Variants in ADAMTS20 observed in about 807,000 individuals in gnomAD.
ADAMTS20 encodes the protein A disintegrin and metalloproteinase with thrombospondin motifs 20.
ADAMTS20 carries 225 observed loss-of-function variants against 260.1 expected under a neutral mutation model. That is an observed-to-expected ratio of 0.87 (90% CI 0.78 to 0.97). The LOEUF (loss-of-function observed/expected upper bound fraction) is 0.97, where lower values mean the gene tolerates loss of function less well. Ranked by LOEUF, ADAMTS20 falls within the 50% of genes least tolerant of loss-of-function variation. The pLI, the probability that ADAMTS20 is intolerant of heterozygous loss-of-function variation, is 0.00. For missense variants in ADAMTS20, 2,400 were observed against 2,337.7 expected (o/e 1.03, Z -0.55); for synonymous variants, 802 against 769.5 (o/e 1.04, Z -0.70).
chr12:43,431,481 C>T lies in ADAMTS20; in HGVS notation c.3112G>A (p.Gly1038Ser), dbSNP rs553106252. Residue 1038 changes from glycine (G) to serine (S), a missense_variant, in exon 22 of 39, where the codon GGT (glycine) becomes AGT (serine). Transcript: ENST00000389420. ...SEWSECLVTC[G>S]KGTKQRQVWC... ...ACCTGCCGCTGCTTTGTTCCTTTAC[C>T]ACATGTAACAAGGCACTGTAAGAAT... 2.2e-5 allele frequency: 35 copies of T among 1,613,890 alleles called. No individual in the cohort carries two copies. In the East Asian group the frequency reaches 7.4e-4, roughly 34 times the overall value.
At chr12:43,520,960 A>C (rs917880102) in intron 3 of ADAMTS20, among the ~76,000 whole-genome samples, 1 of 152,188 alleles carries the variant, frequency 6.6e-6, no homozygotes, top group Non-Finnish European at 1.5e-5. Flanking sequence ...TAAAGTACAA[A>C]AGATCTGGTA....
chr12:43,500,191 G>A (rs1184455108), intron 4 of ADAMTS20, among the ~76,000 whole-genome samples: 2 of 151,980 alleles, frequency 1.3e-5, no homozygotes, highest in African/African-American at 2.4e-5. Flanking sequence ...ACCACGCCTG[G>A]CTAATTTTTG....
chr12:43,469,964 T>C (rs976721895), intron 7 of ADAMTS20, among the ~76,000 whole-genome samples: 1 of 152,196 alleles, frequency 6.6e-6, no homozygotes, highest in Non-Finnish European at 1.5e-5. Flanking sequence ...TCAAAAGGTC[T>C]TGCTTCGGCA....
intron 19 of ADAMTS20, among the ~76,000 whole-genome samples, chr12:43,433,467 A>G (rs1055595984): frequency 6.6e-6 from 1 of 152,154 alleles, no homozygotes; most frequent in African/African-American, 2.4e-5. Context: ...TCCTTTTACT[A>G]CTATGTAGTG....
chr12:43,519,963 T>C lies in ADAMTS20; in HGVS notation c.613+12073A>G, dbSNP rs1565580105. Among the ~76,000 whole-genome samples, 2 of 152,196 alleles carry C rather than the reference T, an allele frequency of 1.3e-5. 1 individual carries two copies. The highest frequency in any genetic ancestry group is 2.9e-5 in the Non-Finnish European group (2 of 68,026). On this transcript the variant is annotated intron_variant, in intron 3 of 38. Coordinates refer to ENST00000389420, the MANE Select transcript of ADAMTS20 (RefSeq NM_025003.5). Reference sequence around the variant, plus strand: ...ATTTGCTAGAATATACACAAAATTATTAAATGCCATGGCAAAAAAGAAATG... The same window carrying C: ...ATTTGCTAGAATATACACAAAATTACTAAATGCCATGGCAAAAAAGAAATG...
At chr12:43,527,743 G>T (rs1943162670) in intron 3 of ADAMTS20, among the ~76,000 whole-genome samples, 1 of 152,120 alleles carries the variant, frequency 6.6e-6, no homozygotes, top group Admixed American at 6.5e-5. Flanking sequence ...ACTGAATGGG[G>T]AAAAGTTGAA....
intron 37 of ADAMTS20, among the ~76,000 whole-genome samples, chr12:43,368,578 A>G (rs1940037074): frequency 6.6e-6 from 1 of 152,136 alleles, no homozygotes; most frequent in African/African-American, 2.4e-5. Flanking sequence ...CTTCAAAATG[A>G]TATCAATATA....
At chr12:43,406,454 C>T (rs770771162) in intron 28 of ADAMTS20, among the ~76,000 whole-genome samples, 1 of 151,924 alleles carries the variant, frequency 6.6e-6, no homozygotes, top group Non-Finnish European at 1.5e-5. Flanking sequence ...CTTTAGAACA[C>T]TATTATGAAA....
intron 3 of ADAMTS20, among the ~76,000 whole-genome samples, chr12:43,529,220 A>G (rs558890681): frequency 7.6e-4 from 115 of 152,316 alleles, no homozygotes; most frequent in African/African-American, 2.6e-3. Context: ...AAATTAGTAC[A>G]ACCTCCATGG....
At chr12:43,443,767 C>A (rs372800280) in intron 16 of ADAMTS20, 24 bp downstream of exon 16, 7 of 1,581,266 alleles carry the variant, frequency 4.4e-6, no homozygotes, top group Non-Finnish European at 4.3e-6. Flanking sequence ...CACATACTGG[C>A]TGTTGTTTAC....
chr12:43,356,151 C>T (rs1939738601), intron 38 of ADAMTS20, among the ~76,000 whole-genome samples: 1 of 151,994 alleles, frequency 6.6e-6, no homozygotes, highest in Non-Finnish European at 1.5e-5. Context: ...AAAAGCATAC[C>T]TTTCTTGAAC....
At position 43,532,196 on chromosome 12, in the gene ADAMTS20, C is replaced by A; in HGVS notation, c.454-1G>T. 6.3e-7 allele frequency: 1 copy of A among 1,588,954 alleles called. No homozygotes were observed. The highest frequency in any genetic ancestry group is 8.6e-7 in the Non-Finnish European group (1 of 1,169,286). ...CGTTCTGTCCTTTAAATGTTCCCGT[C>A]TGAAAATAAAGGAAACAAAAATGAA... On this transcript the variant is annotated splice_acceptor_variant, in intron 2 of 38. Transcript: ENST00000389420. LOFTEE classifies it high-confidence loss of function.
chr12:43,409,544 G>A (rs1437507632), intron 28 of ADAMTS20, among the ~76,000 whole-genome samples: 5 of 129,772 alleles, frequency 3.9e-5, no homozygotes, highest in Non-Finnish European at 7.8e-5. Flanking sequence ...GGAGCTTGCA[G>A]TGAGCCGAGA....
At chr12:43,511,428 G>C (rs556168969) in intron 3 of ADAMTS20, among the ~76,000 whole-genome samples, 1 of 152,064 alleles carries the variant, frequency 6.6e-6, no homozygotes, top group South Asian at 2.1e-4. Flanking sequence ...CCTAAAGACT[G>C]AGAACACTGT....
At chr12:43,418,778 C>A (rs1342333366) in intron 28 of ADAMTS20, among the ~76,000 whole-genome samples, 1 of 152,254 alleles carries the variant, frequency 6.6e-6, no homozygotes, top group East Asian at 1.9e-4. Flanking sequence ...TGAACTACAG[C>A]TTCTTTTAGT....
chr12:43,530,581 CA>C lies in ADAMTS20; in HGVS notation c.613+1454del, dbSNP rs565892274. Among the ~76,000 whole-genome samples, 154 of 152,286 alleles carry C rather than the reference CA, an allele frequency of 1.0e-3. 4 individuals are homozygous for C. The South Asian group carries it at 0.03, about 30-fold the overall frequency. ...TTATATCTCAAAACAGATGGCATCA[CA>C]GTGTTTGGAACTATAGTTTACGGAC... On this transcript the variant is annotated intron_variant, in intron 3 of 38. Transcript: ENST00000389420.
chr12:43,435,641 T>TAA lies in ADAMTS20; in HGVS notation c.2594-1272_2594-1271dup, dbSNP rs35112845. On this transcript the variant is annotated intron_variant, in intron 18 of 38. Transcript: ENST00000389420. Reference sequence around the variant, plus strand: ...GGGCAACAGAGTGAGACTCCATTTCTAAAAAAAAAAAAAAAACAAAAAAAT... The same window carrying TAA: ...GGGCAACAGAGTGAGACTCCATTTCTAAAAAAAAAAAAAAAAAACAAAAAAAT... Among the ~76,000 whole-genome samples, 107 of 84,464 alleles carry TAA rather than the reference T, an allele frequency of 1.3e-3. 1 individual carries two copies. Among genetic ancestry groups the TAA allele is most frequent in the East Asian group, 4.9e-3 (16 of 3,260 alleles). The allele number at this position is 84,464 out of a possible 152,430, so 55.4% of individuals were successfully genotyped here.
chr12:43,356,657 T>C (rs990754122), intron 37 of ADAMTS20, 69 bp from the exon 38 acceptor site: 3 of 1,163,952 alleles, frequency 2.6e-6, no homozygotes, highest in Non-Finnish European at 2.5e-6. Flanking sequence ...ATAAGTCTTC[T>C]CAATTGCAAG....
intron 11 of ADAMTS20, among the ~76,000 whole-genome samples, chr12:43,459,494 C>A (rs1226391778): frequency 6.6e-6 from 1 of 152,168 alleles, no homozygotes; most frequent in African/African-American, 2.4e-5. Flanking sequence ...TTGCCGCCAT[C>A]TTGGAAGTGG....
Sources: allele counts gnomAD v4.1 joint callset (sites outside exome capture counted in the v4.1 genomes callset), GRCh38; gene constraint gnomAD v4.1.1; transcripts MANE v1.5; gene names NCBI Gene and HGNC (gene_info 2026-07-23, HGNC 2026-07-21).